STK26: variants seen among roughly 807,000 people sequenced by gnomAD.
The protein encoded by STK26 is serine/threonine-protein kinase 26.
A neutral mutation model predicts 34.7 loss-of-function variants in STK26; 14 were observed. The observed-to-expected ratio is 0.40, with a 90% CI of 0.27 to 0.63. The LOEUF is 0.63. Ranked by LOEUF, STK26 falls within the 30% of genes least tolerant of loss-of-function variation. STK26 has a pLI of 0.38. For missense variants in STK26, 226 were observed against 309.1 expected (o/e 0.73, Z 2.02); for synonymous variants, 100 against 109.8 (o/e 0.91, Z 0.56).
chrX:132,073,336 T>G (rs777111433), intron 11 of STK26, among the ~76,000 whole-genome samples: 1 of 112,347 alleles, frequency 8.9e-6, no homozygotes, highest in Admixed American at 9.4e-5. Context: ...CTGTTTTTCT[T>G]TCTCCACTAG....
At chrX:132,063,090 C>A (rs1379858781) in intron 3 of STK26, among the ~76,000 whole-genome samples, 1 of 111,009 alleles carries the variant, frequency 9.0e-6, no homozygotes, top group Non-Finnish European at 1.9e-5. Flanking sequence ...TACAAACAGT[C>A]CGGTAATACT....
rs746991327 is a variant in STK26, at chrX:132,068,450, C to G, written c.478C>G (p.Leu160Val). Residue 160 changes from leucine (L) to valine (V), a missense_variant, in exon 6 of 12, where the codon CTT (leucine) becomes GTT (valine). Leu to Val is a conservative substitution (Grantham distance 32, BLOSUM62 1). Around this residue, in one of 2 missense-constraint regions of STK26, gnomAD observed 100 missense variants for 176.7 expected, o/e 0.57. Transcript: ENST00000394334. ...GCTCTCAGAACAAGGAGATGTTAAA[C>G]TTGCTGATTTTGGAGTTGCTGGTCA... ...VLLSEQGDVK[L>V]ADFGVAGQLT... The G allele has an allele frequency of 8.3e-7, 1 of 1,210,919 alleles. No individual in the cohort carries two copies. The highest frequency in any genetic ancestry group is 1.1e-6 in the Non-Finnish European group (1 of 895,178).
intron 2 of STK26, among the ~76,000 whole-genome samples, chrX:132,039,580 T>A (rs1926187312): frequency 8.9e-6 from 1 of 111,833 alleles, no homozygotes; most frequent in South Asian, 3.7e-4. Flanking sequence ...CAACATTTTA[T>A]ATATTGAAGG....
intron 2 of STK26, among the ~76,000 whole-genome samples, chrX:132,043,946 C>G (rs12013472): frequency 0.01 from 1,129 of 111,907 alleles, 17 homozygotes; most frequent in African/African-American, 0.034. Flanking sequence ...AAAGTTGTGA[C>G]TTCGCAAAGT....
intron 3 of STK26, chrX:132,055,434 G>A (rs1352326450): frequency 8.8e-7 from 1 of 1,140,315 alleles, no homozygotes; most frequent in Admixed American, 2.6e-5. Flanking sequence ...CCAAATAAAA[G>A]TTGGATTTTT....
chrX:132,072,125 G>A (rs1927434329), intron 8 of STK26, 143 bp from the exon 9 acceptor site: 3 of 480,460 alleles, frequency 6.2e-6, no homozygotes, highest in Non-Finnish European at 1.1e-5. Flanking sequence ...TTCGCCTGAA[G>A]CTGAGATCAG....
chrX:132,028,067 G>C (rs753428182), intron 2 of STK26, among the ~76,000 whole-genome samples: 4 of 97,079 alleles, frequency 4.1e-5, no homozygotes, highest in South Asian at 1.1e-3. Context: ...ATGTTTAGTG[G>C]TTGTCCAGGC....
intron 4 of STK26, among the ~76,000 whole-genome samples, chrX:132,063,886 G>T (rs1927137825): frequency 9.0e-6 from 1 of 111,521 alleles, no homozygotes; most frequent in Non-Finnish European, 1.9e-5. Flanking sequence ...GAATGTTTGT[G>T]TCCCCCCAAA....
At chrX:132,051,175 C>T (rs1052660780) in intron 2 of STK26, among the ~76,000 whole-genome samples, 1 of 111,936 alleles carries the variant, frequency 8.9e-6, no homozygotes, top group Admixed American at 9.5e-5. Flanking sequence ...AAGATGTTCA[C>T]CTAACATTGT....
At chrX:132,042,588 T>C (rs940143565) in intron 2 of STK26, among the ~76,000 whole-genome samples, 4 of 111,669 alleles carry the variant, frequency 3.6e-5, no homozygotes, top group African/African-American at 1.3e-4. Context: ...CTGTTCCAAA[T>C]CTTTTAAAGA....
intron 2 of STK26, among the ~76,000 whole-genome samples, chrX:132,038,508 G>T (rs1569328192): frequency 1.8e-5 from 2 of 111,600 alleles, no homozygotes; most frequent in African/African-American, 6.5e-5. Context: ...TGCAATTTTG[G>T]TAGCATGTGT....
At chrX:132,035,574 C>A (rs1926010709) in intron 2 of STK26, among the ~76,000 whole-genome samples, 1 of 109,716 alleles carries the variant, frequency 9.1e-6, no homozygotes, top group Non-Finnish European at 1.9e-5. Context: ...TTACCATGCT[C>A]AGTATGGTTA....
At chrX:132,042,584 C>G (rs755967465) in intron 2 of STK26, among the ~76,000 whole-genome samples, 32 of 111,156 alleles carry the variant, frequency 2.9e-4, no homozygotes, top group Non-Finnish European at 5.5e-4. Flanking sequence ...TGCACTGTTC[C>G]AAATCTTTTA....
In STK26 at chrX:132,072,967, A is replaced by G. The variant is rs1349223000; in HGVS notation, c.1100A>G (p.Gln367Arg). 2 of 1,208,598 alleles carry G rather than the reference A, an allele frequency of 1.7e-6. No homozygotes were observed. Among genetic ancestry groups the G allele is most frequent in the African/African-American group, 3.5e-5 (2 of 57,187 alleles). ...ITPAFAELKQ[Q>R]DENNASRNQA... ...ATTATTCTTTCTCAGCTTAAACAGCAGGACGAGAATAACGCTAGCAGGAAT... is the reference window on the plus strand; with the variant it reads ...ATTATTCTTTCTCAGCTTAAACAGCGGGACGAGAATAACGCTAGCAGGAAT... The change falls in exon 11 of 12, where the codon CAG becomes CGG. Residue 367 changes from glutamine (Q) to arginine (R), a missense_variant. By Grantham distance (43) the Gln-to-Arg change is conservative. Around this residue, in one of 2 missense-constraint regions of STK26, gnomAD observed 126 missense variants for 132.4 expected, o/e 0.95. Coordinates refer to ENST00000394334, the MANE Select transcript of STK26 (RefSeq NM_016542.4).
intron 4 of STK26, among the ~76,000 whole-genome samples, chrX:132,066,010 AGG>A (rs1263780869): frequency 4.5e-5 from 5 of 111,667 alleles, no homozygotes; most frequent in Non-Finnish European, 7.5e-5. Context: ...TAAGAACAAG[AGG>A]AAATAAGAGG....
chrX:132,032,513 A>G (rs1159925395), intron 2 of STK26, among the ~76,000 whole-genome samples: 1 of 111,826 alleles, frequency 8.9e-6, no homozygotes, highest in African/African-American at 3.3e-5. Context: ...GATCCTTGTA[A>G]CAGAGATTGT....
chrX:132,029,091 G>T (rs992759820), intron 2 of STK26, among the ~76,000 whole-genome samples: 2 of 111,712 alleles, frequency 1.8e-5, no homozygotes, highest in African/African-American at 6.5e-5. Context: ...GGGGAGTAGG[G>T]ACTGTAGGGA....
At position 132,075,674 on chromosome X, in the gene STK26, G is replaced by A. The variant is rs1201758289; in HGVS notation, c.*1515G>A. ...GGTTCAGTTAAATTTTTCACCTGCT[G>A]TGTAACTGAAACACAATTACAGTTT... On this transcript the variant is annotated 3_prime_UTR_variant, in exon 12 of 12. Transcript: ENST00000394334. The A allele has an allele frequency of 9.0e-6, 1 of 111,611 alleles. No individual in the cohort carries two copies. The highest frequency in any genetic ancestry group is 1.9e-5 in the Non-Finnish European group (1 of 52,907). 9.2% of individuals were successfully genotyped at this position (111,611 alleles called of 1,213,427 possible). A position where few individuals can be genotyped will look rare whatever the true frequency, so the allele number is the denominator to read the frequency against.
chrX:132,037,720 C>T (rs1371309642), intron 2 of STK26, among the ~76,000 whole-genome samples: 3 of 101,007 alleles, frequency 3.0e-5, no homozygotes, highest in Non-Finnish European at 5.9e-5. Context: ...AGGGACCAGG[C>T]ATTGAATTCT....
Sources: gnomAD v4.1 joint callset for allele counts (sites outside exome capture counted in the v4.1 genomes callset) on GRCh38, gnomAD v4.1.1 for gene constraint, gnomAD v4.1.1 regional missense constraint, MANE v1.5 for transcripts, NCBI Gene and HGNC (gene_info 2026-07-23, HGNC 2026-07-21) for gene names.